PTPRB: variants seen among roughly 807,000 people sequenced by gnomAD.
The protein encoded by PTPRB is protein tyrosine phosphatase receptor type B, also known as receptor-type tyrosine-protein phosphatase beta.
A neutral mutation model predicts 238.1 loss-of-function variants in PTPRB; 97 were observed. The observed-to-expected ratio is 0.41, with a 90% confidence interval of 0.35 to 0.48. The LOEUF (loss-of-function observed/expected upper bound fraction) is 0.48. PTPRB is among the 20% of genes least tolerant of loss of function. The pLI is 0.30. For synonymous variants in PTPRB, 970 were observed against 995.4 expected (o/e 0.97, Z 0.48); for missense variants, 2,292 against 2,681.9 (o/e 0.85, Z 3.21).
chr12:70,524,320 G>T, intron 33 of PTPRB, 151 bp downstream of exon 33: 4 of 734,380 alleles, frequency 5.4e-6, no homozygotes, highest in South Asian at 2.5e-5. Context: ...TCCCTATGTT[G>T]CCCAGGCTGG....
rs143692815 is a variant in PTPRB at position 70,556,461 on chromosome 12, C to A, written c.4715-313G>T. On this transcript the variant is annotated intron_variant, in intron 18 of 33. Coordinates refer to ENST00000334414, the MANE Select transcript of PTPRB (RefSeq NM_001109754.4). ...CTGAGGATATATCAATAGAGACCTTCCAAATGGAAAAAGCAAAGAAAACAA... is the reference window on the plus strand; with the variant it reads ...CTGAGGATATATCAATAGAGACCTTACAAATGGAAAAAGCAAAGAAAACAA... Among the ~76,000 whole-genome samples, 62 of 151,958 alleles carry A rather than the reference C, an allele frequency of 4.1e-4. No individual in the cohort carries two copies. The Middle Eastern group carries it at 0.02, about 50-fold the overall frequency.
chr12:70,626,369 T>TCCTGTCTGCCTG (rs1555240830), intron 2 of PTPRB, among the ~76,000 whole-genome samples: 4 of 124,434 alleles, frequency 3.2e-5, no homozygotes, highest in Admixed American at 2.7e-4. Flanking sequence ...CTATCTATAT[T>TCCTGTCTGCCTG]CCTGCCTGCC....
chr12:70,550,010 T>A (rs1253217318), intron 21 of PTPRB, among the ~76,000 whole-genome samples: 2 of 152,210 alleles, frequency 1.3e-5, no homozygotes, highest in African/African-American at 4.8e-5. Context: ...CACATCTGTC[T>A]CCCCTGTTGG....
Position 70,596,077 on chromosome 12 carries a change from A to G in PTPRB, c.1230T>C (p.Ser410=). ...AITAVSGGKR[S]FSVYTNGSTV... Reference sequence around the variant, plus strand: ...TTGATCCATTGGTATAAACTGAAAAAGAACGTTTTCCTCCAGAAACAGCTG... The same window carrying G: ...TTGATCCATTGGTATAAACTGAAAAGGAACGTTTTCCTCCAGAAACAGCTG... Residue 410 remains serine (S), a synonymous_variant, in exon 5 of 34, where the codon TCT becomes TCC. Transcript: ENST00000334414. The G allele has an allele frequency of 1.2e-6, 2 of 1,611,014 alleles. No homozygotes were observed. The highest frequency in any genetic ancestry group is 1.7e-6 in the Non-Finnish European group (2 of 1,177,822).
intron 11 of PTPRB, among the ~76,000 whole-genome samples, chr12:70,573,469 G>A (rs983651137): frequency 2.6e-5 from 4 of 151,172 alleles, no homozygotes; most frequent in African/African-American, 9.7e-5. Context: ...AAGTAAAGGT[G>A]GCAGTTGATG....
At chr12:70,553,341 T>G (rs1216709628) in intron 20 of PTPRB, among the ~76,000 whole-genome samples, 1 of 152,196 alleles carries the variant, frequency 6.6e-6, no homozygotes, top group African/African-American at 2.4e-5. Flanking sequence ...CAACTCCCAT[T>G]GTGAGTGAAC....
chr12:70,535,250 T>C (rs3048111), intron 29 of PTPRB, among the ~76,000 whole-genome samples: 30,061 of 103,096 alleles, frequency 0.29, 3,955 homozygotes, highest in East Asian at 0.52. Flanking sequence ...TTTTTTTTTT[T>C]CCCCTCAGCA....
rs1159789109 is a variant in PTPRB at position 70,592,521 on chromosome 12, T to C, written c.1541A>G (p.Lys514Arg). 2.5e-6 allele frequency: 4 copies of C among 1,613,760 alleles called. No individual in the cohort carries two copies. Among genetic ancestry groups the C allele is most frequent in the Non-Finnish European group, 3.4e-6 (4 of 1,179,804 alleles). Residue 514 changes from lysine (K) to arginine (R), a missense_variant, in exon 7 of 34, where the codon AAG becomes AGG. By Grantham distance (26) the Lys-to-Arg change is conservative. This residue lies in a region of PTPRB where 1,205 missense variants were observed against 1,287.8 expected (regional missense o/e 0.94). Coordinates refer to ENST00000334414, the MANE Select transcript of PTPRB (RefSeq NM_001109754.4). ...GGTCAAACTGCCATCATTTGTCACC[T>C]TCAGATTTGAGACTTCCATGGGGGC... ...RTAPMEVSNL[K>R]VTNDGSLTSL...
chr12:70,573,403 G>A (rs1398244158), intron 11 of PTPRB, among the ~76,000 whole-genome samples: 1 of 151,870 alleles, frequency 6.6e-6, no homozygotes, highest in East Asian at 1.9e-4. Context: ...TTTAGGTACT[G>A]GTTGGTTTCT....
intron 32 of PTPRB, among the ~76,000 whole-genome samples, chr12:70,531,258 AAG>A (rs946504751): frequency 2.6e-5 from 4 of 152,096 alleles, no homozygotes; most frequent in Non-Finnish European, 5.9e-5. Flanking sequence ...CTGTGGCTCT[AAG>A]AGGGGACACA....
chr12:70,577,553 A>C (rs1592520941), intron 10 of PTPRB, among the ~76,000 whole-genome samples: 2 of 152,226 alleles, frequency 1.3e-5, no homozygotes, highest in East Asian at 3.8e-4. Context: ...TATAGGGTTA[A>C]AATATTACAG....
At chr12:70,538,581 A>G in intron 27 of PTPRB, 1 of 434,918 alleles carries the variant, frequency 2.3e-6, no homozygotes, top group Non-Finnish European at 4.1e-6. Context: ...ATTTAAGTAG[A>G]AATTGCTAAC....
rs749431250 is a variant in PTPRB, at chr12:70,569,874, G to A, written c.3435C>T (p.Asn1145=). The part of the protein sequence containing the change: ...PNGATDSLTV[N]WTPGGGDVDS... ...CAACGTCTCCCCCACCAGGAGTCCA[G>A]TTCACCGTCAGGCTATCTGTTGCTC... Residue 1145 remains asparagine, a synonymous_variant, in exon 14 of 34, where the codon AAC becomes AAT. Coordinates refer to ENST00000334414, the MANE Select transcript of PTPRB (RefSeq NM_001109754.4). 1.2e-6 allele frequency: 2 copies of A among 1,613,754 alleles called. No individual in the cohort carries two copies. The highest frequency in any genetic ancestry group is 1.3e-5 in the African/African-American group (1 of 75,046).
At chr12:70,547,517 C>T in intron 21 of PTPRB, among the ~76,000 whole-genome samples, 3 of 131,442 alleles carry the variant, frequency 2.3e-5, no homozygotes, top group Admixed American at 9.1e-5. Context: ...TCTTTTCTTT[C>T]CTTCCTTTTT....
In PTPRB at chr12:70,569,724, G is replaced by A. The variant is rs1185624385; in HGVS notation, c.3585C>T (p.Ala1195=). The A allele has an allele frequency of 1.2e-6, 2 of 1,613,752 alleles. No individual in the cohort carries two copies. The highest frequency in any genetic ancestry group is 1.7e-6 in the Non-Finnish European group (2 of 1,179,876). Residue 1195 remains alanine (A), a synonymous_variant, in exon 14 of 34, where the codon GCC becomes GCT. Coordinates refer to ENST00000334414, the MANE Select transcript of PTPRB (RefSeq NM_001109754.4). ...EAGEQYQIMI[A]SVSGSLKNQI... is the part of the protein sequence containing the mutation. ...GATTCTTCAGGGACCCGCTGACTGA[G>A]GCAATCATGATCTGGTACTGCTCCC...
chr12:70,525,574 G>GAAAT (rs1285822076), intron 32 of PTPRB: 1 of 150,568 alleles, frequency 6.6e-6, no homozygotes, highest in African/African-American at 2.5e-5. Flanking sequence ...TACTACTTTT[G>GAAAT]AAATATAAAT....
intron 2 of PTPRB, among the ~76,000 whole-genome samples, chr12:70,633,407 T>C (rs922955110): frequency 6.6e-6 from 1 of 152,030 alleles, no homozygotes; most frequent in African/African-American, 2.4e-5. Flanking sequence ...ACCATGGCTC[T>C]CCTGCCTGGG....
At chr12:70,532,278 G>C in intron 31 of PTPRB, 108 bp from the exon 32 acceptor site, 2 of 1,291,976 alleles carry the variant, frequency 1.5e-6, no homozygotes, top group Non-Finnish European at 2.1e-6. Flanking sequence ...AGTTATGGGA[G>C]AAGATAGGAA....
intron 4 of PTPRB, among the ~76,000 whole-genome samples, chr12:70,603,853 C>T (rs1373233074): frequency 6.6e-6 from 1 of 152,168 alleles, no homozygotes; most frequent in Non-Finnish European, 1.5e-5. Context: ...ACCTTCAAAA[C>T]TCAACTCTTA....
Sources: allele counts gnomAD v4.1 joint callset (sites outside exome capture counted in the v4.1 genomes callset), GRCh38; gene constraint gnomAD v4.1.1; regional missense constraint gnomAD v4.1.1; transcripts MANE v1.5; gene names NCBI Gene and HGNC (gene_info 2026-07-23, HGNC 2026-07-21).